Variants in SGCZ observed in about 807,000 individuals in gnomAD.
SGCZ encodes sarcoglycan zeta, also known as zeta-sarcoglycan.
Under a neutral mutation model 41.3 loss-of-function variants are expected in SGCZ, and 40 were observed. That is an observed-to-expected ratio of 0.97 (90% CI 0.75 to 1.26). SGCZ has a LOEUF of 1.26. Among genes scored for constraint, SGCZ ranks in the 50% most tolerant of loss-of-function variants. The probability of loss-of-function intolerance (pLI) is 0.00; values close to 1 mark genes in which losing one functional copy is unlikely to be tolerated. For synonymous variants in SGCZ, 206 were observed against 137.5 expected, an observed-to-expected ratio of 1.50 and a Z score of -3.49; for missense variants, 552 against 369.8, an observed-to-expected ratio of 1.49 and a Z score of -4.04.
chr8:15,022,672 A>G (rs144295223), intron 1 of SGCZ, among the ~76,000 whole-genome samples: 1 of 152,162 alleles, frequency 6.6e-6, no homozygotes, highest in African/African-American at 2.4e-5. Context: ...ACAACACATA[A>G]CTCATCTTGA....
chr8:14,202,308 C>A (rs1407310611), intron 4 of SGCZ, among the ~76,000 whole-genome samples: 1 of 152,126 alleles, frequency 6.6e-6, no homozygotes. Flanking sequence ...CTCCACAATT[C>A]TTAGAGTGGA....
intron 1 of SGCZ, among the ~76,000 whole-genome samples, chr8:14,816,801 G>C (rs1801915118): frequency 6.6e-6 from 1 of 152,054 alleles, no homozygotes; most frequent in East Asian, 1.9e-4. Flanking sequence ...TAATTAAATT[G>C]TATTAATTTA....
intron 2 of SGCZ, among the ~76,000 whole-genome samples, chr8:14,429,805 GTAATT>G: frequency 6.6e-6 from 1 of 151,716 alleles, no homozygotes; most frequent in Middle Eastern, 3.4e-3. Flanking sequence ...TTTTTTAGTG[GTAATT>G]TATTTATTGC....
chr8:14,764,544 C>A (rs1799985031), intron 1 of SGCZ, among the ~76,000 whole-genome samples: 1 of 152,176 alleles, frequency 6.6e-6, no homozygotes, highest in Non-Finnish European at 1.5e-5. Flanking sequence ...TCTACACCTG[C>A]AGAAACCATA....
At chr8:14,760,197 C>G (rs1204409958) in intron 1 of SGCZ, among the ~76,000 whole-genome samples, 5 of 152,148 alleles carry the variant, frequency 3.3e-5, no homozygotes, top group Non-Finnish European at 1.5e-5. Context: ...GTGATTCTTT[C>G]TAGTTTTACC....
intron 1 of SGCZ, among the ~76,000 whole-genome samples, chr8:15,154,603 C>A (rs1799275331): frequency 6.6e-6 from 1 of 152,130 alleles, no homozygotes; most frequent in African/African-American, 2.4e-5. Flanking sequence ...CAGAATGCCA[C>A]CATATGCTCT....
At chr8:14,368,958 G>A (rs1052290094) in intron 2 of SGCZ, among the ~76,000 whole-genome samples, 6 of 151,726 alleles carry the variant, frequency 4.0e-5, no homozygotes, top group African/African-American at 1.5e-4. Context: ...TTCTGATAGG[G>A]GTTAAGGAAG....
chr8:15,213,423 C>T (rs1299162891), intron 1 of SGCZ, among the ~76,000 whole-genome samples: 1 of 151,090 alleles, frequency 6.6e-6, no homozygotes, highest in Non-Finnish European at 1.5e-5. Context: ...ATATGTGAAA[C>T]ATTAAAAAGC....
chr8:14,348,839 T>C (rs1802985778), intron 2 of SGCZ, among the ~76,000 whole-genome samples: 1 of 151,968 alleles, frequency 6.6e-6, no homozygotes, highest in African/African-American at 2.4e-5. Context: ...AATACAAACA[T>C]CATTTTCTAA....
chr8:14,358,888 C>T (rs751390094), intron 2 of SGCZ, among the ~76,000 whole-genome samples: 14 of 152,104 alleles, frequency 9.2e-5, no homozygotes, highest in Admixed American at 2.6e-4. Flanking sequence ...GGATTACAGA[C>T]GTGAGCCACT....
At chr8:14,632,286 G>T (rs1053532964) in intron 1 of SGCZ, among the ~76,000 whole-genome samples, 20 of 151,932 alleles carry the variant, frequency 1.3e-4, no homozygotes, top group African/African-American at 4.8e-4. Flanking sequence ...GCCTCCCAAA[G>T]CATTAGGATT....
intron 1 of SGCZ, among the ~76,000 whole-genome samples, chr8:14,792,781 A>G (rs571837011): frequency 6.4e-4 from 97 of 151,956 alleles, no homozygotes; most frequent in African/African-American, 2.3e-3. Context: ...CTCACTGACC[A>G]CTTTTCCATA....
At position 14,424,485 on chromosome 8, in the gene SGCZ, T is replaced by A. The variant is rs532397332; in HGVS notation, c.235-100281A>T. Among the ~76,000 whole-genome samples the A allele has an allele frequency of 4.5e-4, 68 of 152,322 alleles. 1 individual carries two copies. Among genetic ancestry groups the A allele is most frequent in the African/African-American group, 1.5e-3 (64 of 41,584 alleles). On this transcript the variant is annotated intron_variant, in intron 2 of 7. Coordinates refer to ENST00000382080, the MANE Select transcript of SGCZ (RefSeq NM_139167.4). The stretch of plus-strand genomic sequence containing the variant: ...CACCCCATTATAAAAAGCTTATTTT[T>A]CTCTGTGAGTATATTGCAAAATATA...
chr8:14,621,802 G>A (rs926851159), intron 1 of SGCZ, among the ~76,000 whole-genome samples: 3 of 152,048 alleles, frequency 2.0e-5, no homozygotes, highest in African/African-American at 7.2e-5. Context: ...GACAAGTTGG[G>A]ATTACAATTT....
chr8:14,447,255 C>G (rs190292954), intron 2 of SGCZ, among the ~76,000 whole-genome samples: 22 of 152,182 alleles, frequency 1.4e-4, no homozygotes, highest in Admixed American at 1.4e-3. Flanking sequence ...AGTCATCAGT[C>G]AAACCAAGAT....
At chr8:14,744,327 T>C (rs1382666342) in intron 1 of SGCZ, among the ~76,000 whole-genome samples, 2 of 152,140 alleles carry the variant, frequency 1.3e-5, no homozygotes, top group African/African-American at 4.8e-5. Flanking sequence ...AGCTGATCCT[T>C]CTGTTTGGGC....
intron 3 of SGCZ, among the ~76,000 whole-genome samples, chr8:14,248,587 AAG>A (rs767132097): frequency 1.9e-4 from 29 of 152,198 alleles, no homozygotes; most frequent in Admixed American, 7.9e-4. Context: ...ATATTTAAAT[AAG>A]AAATTAATCT....
At chr8:14,782,270 A>C (rs1800615306) in intron 1 of SGCZ, among the ~76,000 whole-genome samples, 1 of 152,224 alleles carries the variant, frequency 6.6e-6, no homozygotes, top group Non-Finnish European at 1.5e-5. Context: ...AAACTCTGTC[A>C]TTTTAAGGAA....
intron 1 of SGCZ, among the ~76,000 whole-genome samples, chr8:15,152,698 G>A (rs577782716): frequency 6.6e-5 from 10 of 152,306 alleles, no homozygotes; most frequent in African/African-American, 2.2e-4. Context: ...TTACCTGGTC[G>A]AGAATTTCAT....
Sources: gnomAD v4.1 joint callset for allele counts (sites outside exome capture counted in the v4.1 genomes callset) on GRCh38, gnomAD v4.1.1 for gene constraint, MANE v1.5 for transcripts, NCBI Gene and HGNC (gene_info 2026-07-23, HGNC 2026-07-21) for gene names.